The following TMTC2 variants were observed in gnomAD, a reference collection of about 807,000 sequenced individuals.
TMTC2 encodes the protein protein O-mannosyl-transferase TMTC2.
A neutral mutation model predicts 82.4 loss-of-function variants in TMTC2; 43 were observed. The observed-to-expected ratio is 0.52, with a 90% CI of 0.41 to 0.67. TMTC2 has a LOEUF of 0.67. Ranked by LOEUF, TMTC2 falls within the 30% of genes least tolerant of loss-of-function variation. The probability of loss-of-function intolerance (pLI) is 0.00; values close to 1 mark genes in which losing one functional copy is unlikely to be tolerated. For synonymous variants in TMTC2, 408 were observed against 381.9 expected (o/e 1.07, Z -0.80); for missense variants, 919 against 1,012.4 (o/e 0.91, Z 1.25).
intron 1 of TMTC2, among the ~76,000 whole-genome samples, chr12:82,825,114 AT>A (rs1164797816): frequency 1.3e-5 from 2 of 151,976 alleles, no homozygotes; most frequent in Non-Finnish European, 2.9e-5. Context: ...AAAAAAAGAC[AT>A]ACGAGCAGAT....
At chr12:82,769,508 G>GT (rs398076796) in intron 1 of TMTC2, among the ~76,000 whole-genome samples, 1 of 151,052 alleles carries the variant, frequency 6.6e-6, no homozygotes, top group Non-Finnish European at 1.5e-5. Flanking sequence ...AAGATGTAAG[G>GT]GTAACTGCTG....
At chr12:83,097,041 T>C (rs1884052056) in intron 11 of TMTC2, among the ~76,000 whole-genome samples, 2 of 152,228 alleles carry the variant, frequency 1.3e-5, no homozygotes, top group South Asian at 4.1e-4. Flanking sequence ...CAGCATTACA[T>C]ACTTTACATG....
intron 8 of TMTC2, among the ~76,000 whole-genome samples, chr12:83,028,820 T>A (rs66536816): frequency 0.19 from 28,239 of 152,164 alleles, 2,678 homozygotes; most frequent in Middle Eastern, 0.25. Context: ...CTAATTCTTC[T>A]TATTTTTAAC....
chr12:83,080,748 A>G (rs1156678161), intron 11 of TMTC2, among the ~76,000 whole-genome samples: 1 of 152,214 alleles, frequency 6.6e-6, no homozygotes, highest in Non-Finnish European at 1.5e-5. Flanking sequence ...AAATATAGTG[A>G]TCCAAATTGT....
At chr12:82,808,765 G>C (rs1879355752) in intron 1 of TMTC2, among the ~76,000 whole-genome samples, 1 of 151,990 alleles carries the variant, frequency 6.6e-6, no homozygotes, top group South Asian at 2.1e-4. Flanking sequence ...TTACTGGACA[G>C]AGTTTGGGAT....
chr12:83,059,748 G>A (rs779663393), intron 10 of TMTC2, among the ~76,000 whole-genome samples: 2 of 151,580 alleles, frequency 1.3e-5, no homozygotes. Context: ...TATTTTCAAG[G>A]CATTTTATCT....
chr12:82,975,392 T>C (rs1878624395), intron 7 of TMTC2, among the ~76,000 whole-genome samples: 1 of 152,210 alleles, frequency 6.6e-6, no homozygotes, highest in Non-Finnish European at 1.5e-5. Flanking sequence ...CCATATTCAC[T>C]TGATCTTAGC....
intron 2 of TMTC2, among the ~76,000 whole-genome samples, chr12:82,858,016 C>G (rs1871345968): frequency 6.6e-6 from 1 of 152,188 alleles, no homozygotes; most frequent in African/African-American, 2.4e-5. Context: ...CCTGAGTTGA[C>G]TTTGGAAAAC....
At chr12:82,725,918 A>G (rs893833261) in intron 1 of TMTC2, among the ~76,000 whole-genome samples, 1 of 152,168 alleles carries the variant, frequency 6.6e-6, no homozygotes. Flanking sequence ...CTTAGAGGTG[A>G]CAAATGTTTC....
At chr12:83,113,189 G>A (rs10778941) in intron 11 of TMTC2, among the ~76,000 whole-genome samples, 78,409 of 151,918 alleles carry the variant, frequency 0.52, 21,018 homozygotes, top group East Asian at 0.73. Flanking sequence ...AGAACAAGGA[G>A]GGGAGACAGG....
At chr12:83,047,781 G>A (rs910670085) in intron 9 of TMTC2, among the ~76,000 whole-genome samples, 2 of 152,124 alleles carry the variant, frequency 1.3e-5, no homozygotes, top group African/African-American at 2.4e-5. Flanking sequence ...ATGTTGCATG[G>A]CAAAGCTAAT....
chr12:83,071,640 T>C (rs1883119343), intron 11 of TMTC2, among the ~76,000 whole-genome samples: 1 of 152,208 alleles, frequency 6.6e-6, no homozygotes, highest in Admixed American at 6.5e-5. Context: ...ATATTTTTGT[T>C]GTTGTTTTTG....
At chr12:83,034,703 T>C (rs907663782) in intron 9 of TMTC2, among the ~76,000 whole-genome samples, 3 of 152,180 alleles carry the variant, frequency 2.0e-5, no homozygotes, top group Admixed American at 2.0e-4. Flanking sequence ...AGAGTAGGGA[T>C]GGTGTGTTTT....
At chr12:82,784,141 A>T (rs890039888) in intron 1 of TMTC2, among the ~76,000 whole-genome samples, 3 of 152,120 alleles carry the variant, frequency 2.0e-5, no homozygotes, top group Non-Finnish European at 4.4e-5. Flanking sequence ...ATTTAAAAAT[A>T]TACACAAATA....
chr12:82,863,192 A>T (rs1461943459), intron 2 of TMTC2, among the ~76,000 whole-genome samples: 3 of 151,240 alleles, frequency 2.0e-5, no homozygotes, highest in African/African-American at 7.4e-5. Context: ...TGAATGAAAT[A>T]TGATATATTT....
intron 1 of TMTC2, among the ~76,000 whole-genome samples, chr12:82,821,844 C>G (rs1237339807): frequency 6.6e-6 from 1 of 150,552 alleles, no homozygotes; most frequent in African/African-American, 2.5e-5. Flanking sequence ...CGAGATCGCG[C>G]CACTACACTT....
chr12:82,687,476 A>T lies in TMTC2; in HGVS notation c.-111A>T. 9.6e-7 allele frequency: 1 copy of T among 1,045,420 alleles called. No individual in the cohort carries two copies. The highest frequency in any genetic ancestry group is 1.4e-6 in the Non-Finnish European group (1 of 706,568). 64.8% of individuals were successfully genotyped at this position (1,045,420 alleles called of 1,614,324 possible). On this transcript the variant is annotated 5_prime_UTR_variant, in exon 1 of 12. Coordinates refer to ENST00000321196, the MANE Select transcript of TMTC2 (RefSeq NM_152588.3). The stretch of plus-strand genomic sequence containing the variant: ...GAGGGAGGGTGGGGAAGCGAGGGAA[A>T]AGTGAAGCTGGGAGGAGAAGGCGGC...
intron 1 of TMTC2, among the ~76,000 whole-genome samples, chr12:82,746,216 T>C (rs1875683477): frequency 6.6e-6 from 1 of 152,244 alleles, no homozygotes; most frequent in Non-Finnish European, 1.5e-5. Flanking sequence ...GCCCATTTGC[T>C]CACTTATTCA....
chr12:83,039,402 A>G (rs764578261), intron 9 of TMTC2, among the ~76,000 whole-genome samples: 4 of 152,140 alleles, frequency 2.6e-5, no homozygotes, highest in Non-Finnish European at 5.9e-5. Flanking sequence ...ATTACATATA[A>G]TATTTCCATT....
Sources: allele counts gnomAD v4.1 joint callset (sites outside exome capture counted in the v4.1 genomes callset), GRCh38; gene constraint gnomAD v4.1.1; transcripts MANE v1.5; gene names NCBI Gene and HGNC (gene_info 2026-07-23, HGNC 2026-07-21).